PIK3AP1: variants seen among roughly 807,000 people sequenced by gnomAD.
PIK3AP1 encodes the protein phosphoinositide 3-kinase adapter protein 1.
Under a neutral mutation model 88.1 loss-of-function variants are expected in PIK3AP1, and 21 were observed. The ratio of observed to expected loss-of-function variants is 0.24; its 90% CI spans 0.17 to 0.34. PIK3AP1 has a LOEUF of 0.34. PIK3AP1 is among the 10% of genes least tolerant of loss of function. The probability of loss-of-function intolerance (pLI) is 1.00; values close to 1 mark genes in which losing one functional copy is unlikely to be tolerated. For missense variants in PIK3AP1, 828 were observed against 1,035.7 expected (o/e 0.80, Z 2.75); for synonymous variants, 398 against 400.0 (o/e 1.00, Z 0.06).
At chr10:96,711,118 C>T (rs1289547392) in intron 1 of PIK3AP1, among the ~76,000 whole-genome samples, 2 of 152,180 alleles carry the variant, frequency 1.3e-5, no homozygotes, top group African/African-American at 2.4e-5. Flanking sequence ...TTGGCCCAAA[C>T]TCCTCATTTA....
At position 96,593,497 on chromosome 10, in the gene PIK3AP1, A is replaced by C. The variant is rs151151052; in HGVS notation, c.*2080T>G. 305 of 152,360 alleles carry C rather than the reference A, an allele frequency of 2.0e-3. 1 individual carries two copies. The highest frequency in any genetic ancestry group is 6.1e-3 in the African/African-American group (255 of 41,568). 9.4% of individuals were successfully genotyped at this position (152,360 alleles called of 1,614,324 possible). ...TCATCAGAGAATGTACAAAATTCTA[A>C]GTTTGGCATCCAAAAGGGGGCTTAC... On this transcript the variant is annotated 3_prime_UTR_variant, in exon 17 of 17. Coordinates refer to ENST00000339364, the MANE Select transcript of PIK3AP1 (RefSeq NM_152309.3).
chr10:96,626,818 T>A lies in PIK3AP1; in HGVS notation c.1559A>T (p.Glu520Val). The A allele has an allele frequency of 6.2e-7, 1 of 1,614,154 alleles. No individual in the cohort carries two copies. The highest frequency in any genetic ancestry group is 8.5e-7 in the Non-Finnish European group (1 of 1,179,950). The part of the protein sequence containing the change: ...EDVYHTVDDD[E>V]AFSVDLASRP... ...GCTGGCCAGGTCCACAGAAAAGGCC[T>A]CATCGTCATCCACCGTGTGATAAAC... The change falls in exon 10 of 17, where the codon GAG (glutamate) becomes GTG (valine). Residue 520 changes from glutamate to valine, a missense_variant. Glu to Val is a moderately radical substitution (Grantham distance 121, BLOSUM62 -2). This residue lies in a region of PIK3AP1 where 610 missense variants were observed against 760.1 expected (regional missense o/e 0.80). Transcript: ENST00000339364.
intron 2 of PIK3AP1, among the ~76,000 whole-genome samples, chr10:96,661,183 A>G (rs922361771): frequency 2.0e-5 from 3 of 151,896 alleles, no homozygotes; most frequent in Non-Finnish European, 4.4e-5. Context: ...GCAAAACTCC[A>G]TCTAAAAAAA....
At chr10:96,689,800 T>C (rs933874636) in intron 2 of PIK3AP1, among the ~76,000 whole-genome samples, 1 of 152,126 alleles carries the variant, frequency 6.6e-6, no homozygotes, top group Non-Finnish European at 1.5e-5. Flanking sequence ...TCATGCACCA[T>C]GTCCTGCTGG....
At chr10:96,656,461 T>C (rs1288540126) in intron 3 of PIK3AP1, among the ~76,000 whole-genome samples, 1 of 152,222 alleles carries the variant, frequency 6.6e-6, no homozygotes, top group Admixed American at 6.5e-5. Context: ...AGCACTAGGC[T>C]ACCAGGAAGA....
chr10:96,663,285 G>A (rs559886259), intron 2 of PIK3AP1, among the ~76,000 whole-genome samples: 25 of 152,188 alleles, frequency 1.6e-4, no homozygotes, highest in African/African-American at 5.5e-4. Context: ...ACATTGAATT[G>A]TACACTTTAA....
intron 6 of PIK3AP1, among the ~76,000 whole-genome samples, chr10:96,650,629 G>A (rs1215264616): frequency 1.3e-5 from 2 of 152,198 alleles, no homozygotes; most frequent in African/African-American, 4.8e-5. Flanking sequence ...GGGTGCCAAA[G>A]CAGGTGAATG....
intron 8 of PIK3AP1, among the ~76,000 whole-genome samples, chr10:96,643,348 C>T (rs1399657541): frequency 1.3e-5 from 2 of 152,242 alleles, no homozygotes; most frequent in Admixed American, 6.5e-5. Context: ...CACTGATTGG[C>T]TGTGACACTT....
intron 2 of PIK3AP1, among the ~76,000 whole-genome samples, chr10:96,674,573 A>G (rs559186670): frequency 3.9e-4 from 59 of 152,330 alleles, no homozygotes; most frequent in African/African-American, 1.4e-3. Flanking sequence ...ACATTCATTC[A>G]TCTTTGTATC....
chr10:96,622,409 A>G (rs1436499892), intron 11 of PIK3AP1, among the ~76,000 whole-genome samples: 1 of 152,204 alleles, frequency 6.6e-6, no homozygotes, highest in Non-Finnish European at 1.5e-5. Context: ...GGCTATTTGG[A>G]TCTAAATTTC....
At chr10:96,690,906 G>C (rs960363365) in intron 2 of PIK3AP1, among the ~76,000 whole-genome samples, 4 of 152,236 alleles carry the variant, frequency 2.6e-5, no homozygotes. Flanking sequence ...TGGAAGACGT[G>C]AGGTATGGAA....
rs144966728 is a variant in PIK3AP1 at position 96,623,472 on chromosome 10, C to A, written c.1735G>T (p.Gly579Trp). 1.2e-6 allele frequency: 2 copies of A among 1,609,890 alleles called. No individual in the cohort carries two copies. The highest frequency in any genetic ancestry group is 1.7e-6 in the Non-Finnish European group (2 of 1,176,494). Residue 579 changes from glycine (G) to tryptophan (W), a missense_variant and splice_region_variant, in exon 11 of 17, where the codon GGG becomes TGG. Gly to Trp is a radical substitution (Grantham distance 184). Coordinates refer to ENST00000339364, the MANE Select transcript of PIK3AP1 (RefSeq NM_152309.3). ...FYVSSESIRK[G>W]PPVRPWRDRP... ...TCAGTTCATATAACACATGGCTTAC[C>A]TTTCCTGATGCTCTCTGAGGAAACG...
chr10:96,689,575 C>CAA (rs56828361), intron 2 of PIK3AP1, among the ~76,000 whole-genome samples: 1,005 of 70,194 alleles, frequency 0.014, 28 homozygotes, highest in South Asian at 0.029. Flanking sequence ...GACTCTGTCT[C>CAA]AAAAAAAAAA....
At chr10:96,600,678 A>G (rs1316380190) in intron 16 of PIK3AP1, among the ~76,000 whole-genome samples, 2 of 152,390 alleles carry the variant, frequency 1.3e-5, no homozygotes, top group Admixed American at 6.5e-5. Context: ...CCAGAACACC[A>G]GAAGAAAGAC....
chr10:96,719,376 C>A (rs1844543000), intron 1 of PIK3AP1, among the ~76,000 whole-genome samples: 1 of 152,160 alleles, frequency 6.6e-6, no homozygotes, highest in Admixed American at 6.5e-5. Flanking sequence ...TTTCAAGGGG[C>A]ACCTGCAACC....
chr10:96,698,191 G>A (rs1022173923), intron 2 of PIK3AP1, among the ~76,000 whole-genome samples: 30 of 152,186 alleles, frequency 2.0e-4, no homozygotes, highest in Admixed American at 1.8e-3. Context: ...CTGTCATTTC[G>A]AGGACAGAAA....
intron 1 of PIK3AP1, among the ~76,000 whole-genome samples, chr10:96,719,050 C>G (rs1233653868): frequency 1.3e-5 from 2 of 152,160 alleles, no homozygotes; most frequent in Non-Finnish European, 2.9e-5. Context: ...ATCGTTTTCC[C>G]ATAACACATG....
intron 2 of PIK3AP1, among the ~76,000 whole-genome samples, chr10:96,692,522 C>T (rs1035762861): frequency 6.6e-6 from 1 of 151,270 alleles, no homozygotes; most frequent in African/African-American, 2.4e-5. Flanking sequence ...TGCAGTGAGC[C>T]GAGATCGCCA....
chr10:96,677,014 C>T (rs533833971), intron 2 of PIK3AP1, among the ~76,000 whole-genome samples: 5 of 152,152 alleles, frequency 3.3e-5, no homozygotes, highest in South Asian at 2.1e-4. Context: ...GAGAACAGGC[C>T]GCCCACTCTT....
Sources: gnomAD v4.1 joint callset for allele counts (sites outside exome capture counted in the v4.1 genomes callset) on GRCh38, gnomAD v4.1.1 for gene constraint, gnomAD v4.1.1 regional missense constraint, MANE v1.5 for transcripts, NCBI Gene and HGNC (gene_info 2026-07-23, HGNC 2026-07-21) for gene names.